The following ANO3 variants were observed in gnomAD, a reference collection of about 807,000 sequenced individuals.
ANO3 encodes the protein anoctamin 3.
Under a neutral mutation model 144.8 loss-of-function variants are expected in ANO3, and 99 were observed. The observed-to-expected ratio is 0.68, with a 90% CI of 0.58 to 0.81. ANO3 has a LOEUF of 0.81. Among genes scored for constraint, ANO3 ranks in the 30% least tolerant of loss-of-function variants. The pLI, the probability that ANO3 is intolerant of heterozygous loss-of-function variation, is 0.00. For synonymous variants in ANO3, 414 were observed against 392.6 expected (o/e 1.05, Z -0.64); for missense variants, 905 against 1,202.2 (o/e 0.75, Z 3.66).
intron 1 of ANO3, among the ~76,000 whole-genome samples, chr11:26,297,794 A>G (rs1233266033): frequency 2.0e-5 from 3 of 152,158 alleles, no homozygotes; most frequent in African/African-American, 7.2e-5. Flanking sequence ...CACCACAACA[A>G]TGCAATGAGG....
intron 1 of ANO3, among the ~76,000 whole-genome samples, chr11:26,193,088 C>T (rs1276468492): frequency 6.6e-6 from 1 of 151,588 alleles, no homozygotes; most frequent in East Asian, 1.9e-4. Context: ...TTGCCCCCCA[C>T]CCCTCAAAGG....
At chr11:26,529,717 T>A (rs959865539) in intron 7 of ANO3, among the ~76,000 whole-genome samples, 2 of 151,660 alleles carry the variant, frequency 1.3e-5, no homozygotes, top group African/African-American at 4.8e-5. Flanking sequence ...GCAAATGTGT[T>A]ATTAAACACA....
At chr11:26,656,349 C>A in intron 25 of ANO3, 27 bp from the exon 26 acceptor site, 1 of 1,531,930 alleles carries the variant, frequency 6.5e-7, no homozygotes, top group Non-Finnish European at 9.0e-7. Flanking sequence ...CTCTATTTGT[C>A]ATTCTCTTTG....
chr11:26,647,020 C>T (rs1853365430), intron 23 of ANO3, among the ~76,000 whole-genome samples: 1 of 152,152 alleles, frequency 6.6e-6, no homozygotes, highest in Admixed American at 6.5e-5. Context: ...GCTACATAAT[C>T]ACCTTTAGTG....
intron 4 of ANO3, among the ~76,000 whole-genome samples, chr11:26,482,314 AT>A (rs747106513): frequency 2.6e-5 from 4 of 151,940 alleles, no homozygotes; most frequent in Non-Finnish European, 5.9e-5. Flanking sequence ...TGTTTCTTGA[AT>A]CATGTGGAAT....
intron 1 of ANO3, among the ~76,000 whole-genome samples, chr11:26,386,545 TG>T (rs1488767277): frequency 2.6e-5 from 4 of 152,182 alleles, no homozygotes; most frequent in Non-Finnish European, 5.9e-5. Context: ...GACCAGGTAA[TG>T]TATATTCGCA....
At chr11:26,431,127 C>T (rs764164266) in intron 1 of ANO3, among the ~76,000 whole-genome samples, 1 of 152,196 alleles carries the variant, frequency 6.6e-6, no homozygotes, top group African/African-American at 2.4e-5. Context: ...GAATTTTTAA[C>T]TTCATTTAAT....
exon 1 of ANO3, among the ~76,000 whole-genome samples, chr11:26,188,878 C>T (rs1851425213): frequency 6.6e-6 from 1 of 152,076 alleles, no homozygotes; most frequent in Admixed American, 6.6e-5. Context: ...TTCACTGCAG[C>T]CTCTCTGAGA....
intron 1 of ANO3, among the ~76,000 whole-genome samples, chr11:26,399,443 C>T (rs996024138): frequency 5.3e-5 from 8 of 151,832 alleles, no homozygotes; most frequent in African/African-American, 1.9e-4. Context: ...ACTTTAAAGA[C>T]CCTAATGATC....
rs188667964 is a variant in ANO3 at position 26,196,723 on chromosome 11, T to A, written c.154+7393T>A. On this transcript the variant is annotated intron_variant, in intron 1 of 27. Coordinates refer to the ANO3 transcript ENST00000672621. ...CTTCATAAGATTCATTAAAACAAAA[T>A]AGAGCTTTATTAACTTCATAAAATA... Among the ~76,000 whole-genome samples the A allele has an allele frequency of 1.7e-3, 257 of 152,250 alleles. 3 individuals are homozygous for A. The highest frequency in any genetic ancestry group is 5.8e-3 in the African/African-American group (240 of 41,566).
chr11:26,231,151 A>C (rs1852389153), intron 1 of ANO3, among the ~76,000 whole-genome samples: 1 of 152,146 alleles, frequency 6.6e-6, no homozygotes, highest in African/African-American at 2.4e-5. Context: ...TGCTGGGATT[A>C]CAAGCGTGAG....
At chr11:26,258,037 C>T (rs1853099902) in intron 1 of ANO3, among the ~76,000 whole-genome samples, 1 of 152,016 alleles carries the variant, frequency 6.6e-6, no homozygotes, top group Non-Finnish European at 1.5e-5. Flanking sequence ...ATGTGAGTGT[C>T]TTCAATAAAA....
At chr11:26,600,315 T>TCTCTC (rs1851760049) in intron 17 of ANO3, among the ~76,000 whole-genome samples, 1 of 46,080 alleles carries the variant, frequency 2.2e-5, no homozygotes, top group Non-Finnish European at 3.9e-5. Flanking sequence ...TCTCCTCTCC[T>TCTCTC]CTCCCCTCCC....
chr11:26,581,592 G>A (rs1446266161), intron 14 of ANO3, among the ~76,000 whole-genome samples: 1 of 150,846 alleles, frequency 6.6e-6, no homozygotes, highest in Non-Finnish European at 1.5e-5. Flanking sequence ...GGGAGGCTGA[G>A]GCAGGAGAAT....
At position 26,643,347 on chromosome 11, in the gene ANO3, A is replaced by G. The variant is rs1468226322; in HGVS notation, c.2428+13A>G. ...GCAACTGACATAGGTAAGATTCGGA[A>G]GTTAAATGATTTTTACGTTGCTAAC... On this transcript the variant is annotated intron_variant, in intron 23 of 26. Coordinates refer to ENST00000256737, the MANE Select transcript of ANO3 (RefSeq NM_031418.4). 3 of 1,613,296 alleles carry G rather than the reference A, an allele frequency of 1.9e-6. No individual in the cohort carries two copies. The highest frequency in any genetic ancestry group is 2.5e-6 in the Non-Finnish European group (3 of 1,179,784).
At chr11:26,483,586 C>T (rs1186907928) in intron 4 of ANO3, among the ~76,000 whole-genome samples, 2 of 152,128 alleles carry the variant, frequency 1.3e-5, no homozygotes, top group Non-Finnish European at 2.9e-5. Flanking sequence ...TGAGTGCCCC[C>T]CTCCCACCTT....
chr11:26,361,630 T>C (rs1590292199), intron 1 of ANO3, among the ~76,000 whole-genome samples: 1 of 152,302 alleles, frequency 6.6e-6, no homozygotes, highest in Admixed American at 6.5e-5. Context: ...TTGGTGCTTA[T>C]TGCCCTTATG....
At chr11:26,299,285 T>C (rs1050879343) in intron 1 of ANO3, among the ~76,000 whole-genome samples, 1 of 152,186 alleles carries the variant, frequency 6.6e-6, no homozygotes, top group African/African-American at 2.4e-5. Context: ...ATTAATTATA[T>C]AGCATGCCCC....
chr11:26,454,247 A>G (rs1859059590), intron 3 of ANO3, among the ~76,000 whole-genome samples: 1 of 152,254 alleles, frequency 6.6e-6, no homozygotes, highest in South Asian at 2.1e-4. Context: ...TGAAGGAAAT[A>G]GAGACACAAA....
Sources: gnomAD v4.1 joint callset for allele counts (sites outside exome capture counted in the v4.1 genomes callset) on GRCh38, gnomAD v4.1.1 for gene constraint, MANE v1.5 for transcripts, NCBI Gene and HGNC (gene_info 2026-07-23, HGNC 2026-07-21) for gene names.